Variants in IFT74 observed in about 807,000 individuals in gnomAD.
The protein encoded by IFT74 is intraflagellar transport 74, also known as intraflagellar transport protein 74 homolog.
A neutral mutation model predicts 96.7 loss-of-function variants in IFT74; 92 were observed. The ratio of observed to expected loss-of-function variants is 0.95; its 90% CI spans 0.80 to 1.13. IFT74 has a LOEUF of 1.13. Among genes scored for constraint, IFT74 ranks in the 50% most tolerant of loss-of-function variants. IFT74 has a pLI of 0.00. For synonymous variants in IFT74, 223 were observed against 213.2 expected (o/e 1.05, Z -0.40); for missense variants, 811 against 698.2 (o/e 1.16, Z -1.82).
chr9:26,971,795 C>A (rs932229776), intron 2 of IFT74, among the ~76,000 whole-genome samples: 1 of 152,064 alleles, frequency 6.6e-6, no homozygotes, highest in Non-Finnish European at 1.5e-5. Context: ...TATGACCATT[C>A]TCCGTCCAGT....
intron 8 of IFT74, among the ~76,000 whole-genome samples, chr9:26,990,857 T>G (rs1012287780): frequency 6.6e-6 from 1 of 152,222 alleles, no homozygotes; most frequent in Non-Finnish European, 1.5e-5. Flanking sequence ...CCTGAATGAT[T>G]CAAGAATAAA....
intron 1 of IFT74, chr9:26,947,197 G>A (rs1825763670): frequency 2.3e-6 from 2 of 885,738 alleles, no homozygotes; most frequent in Non-Finnish European, 3.2e-6. Flanking sequence ...ACGGAAGGGC[G>A]GCTGGGAAGG....
intron 8 of IFT74, among the ~76,000 whole-genome samples, chr9:27,006,178 T>G (rs553735891): frequency 6.6e-6 from 1 of 152,302 alleles, no homozygotes; most frequent in Non-Finnish European, 1.5e-5. Flanking sequence ...TTTGAAAATT[T>G]TATTAAAGTA....
chr9:27,056,384 G>C lies in IFT74; in HGVS notation c.1548G>C (p.Lys516Asn). Residue 516 changes from lysine (K) to asparagine (N), a missense_variant, in exon 18 of 20, where the codon AAG (lysine) becomes AAC (asparagine). Lys to Asn is a moderately conservative substitution (Grantham distance 94, BLOSUM62 0). Coordinates refer to ENST00000380062, the MANE Select transcript of IFT74 (RefSeq NM_025103.4). ...TATCAACCCACAGAAATGCCTTTAA[G>C]AAAATAATGGAGAAGCAAAACATAG... ...MILSTHRNAF[K>N]KIMEKQNIEY... 1.9e-6 allele frequency: 3 copies of C among 1,597,336 alleles called. No individual in the cohort carries two copies. Among genetic ancestry groups the C allele is most frequent in the Non-Finnish European group, 2.6e-6 (3 of 1,169,588 alleles).
intron 8 of IFT74, among the ~76,000 whole-genome samples, chr9:27,005,000 G>A (rs1254900206): frequency 6.6e-6 from 1 of 151,928 alleles, no homozygotes; most frequent in Non-Finnish European, 1.5e-5. Context: ...TAATTATTTT[G>A]GTTTTGTTAA....
chr9:27,037,898 T>C (rs1192098103), intron 13 of IFT74, among the ~76,000 whole-genome samples: 3 of 152,244 alleles, frequency 2.0e-5, no homozygotes, highest in Non-Finnish European at 4.4e-5. Context: ...TTGACATTAC[T>C]CACAGCCATC....
rs1163196211 is a variant in IFT74 at position 27,011,265 on chromosome 9, A to C, written c.727-641A>C. On this transcript the variant is annotated intron_variant, in intron 9 of 19. Coordinates refer to ENST00000380062, the MANE Select transcript of IFT74 (RefSeq NM_025103.4). The stretch of plus-strand genomic sequence containing the variant: ...AGACTCTGTCTCAAAAAGAAAAAAG[A>C]AAGAGTATGATAGAAATGCCAAAAT... Among the ~76,000 whole-genome samples the C allele has an allele frequency of 5.3e-5, 8 of 152,180 alleles. No homozygotes were observed. In the East Asian group the frequency reaches 1.5e-3, roughly 29 times the overall value.
intron 1 of IFT74, among the ~76,000 whole-genome samples, chr9:26,961,376 C>A (rs1190482161): frequency 2.6e-5 from 4 of 152,058 alleles, no homozygotes; most frequent in East Asian, 1.9e-4. Context: ...ACGCGTTTGC[C>A]ACTGCGCCTG....
intron 10 of IFT74, among the ~76,000 whole-genome samples, chr9:27,013,737 G>C (rs1240657913): frequency 2.6e-5 from 4 of 151,968 alleles, no homozygotes; most frequent in African/African-American, 7.3e-5. Context: ...TCAGTATACT[G>C]TCTGTATCTC....
chr9:26,953,081 A>G (rs1253045025), upstream of IFT74, among the ~76,000 whole-genome samples: 3 of 152,174 alleles, frequency 2.0e-5, no homozygotes, highest in Non-Finnish European at 4.4e-5. Context: ...ACGTTCATCT[A>G]TACAGTTAGG....
Position 27,048,235 on chromosome 9 carries a change from G to C in IFT74, c.1294G>C (p.Val432Leu). The part of the protein sequence containing the change: ...QDDLNFKSTE[V>L]QKSQSTAQNL... Reference sequence around the variant, plus strand: ...TGACCTCAATTTTAAATCTACTGAAGTGCAGAAATCACAAAGTACAGCTCA... The same window carrying C: ...TGACCTCAATTTTAAATCTACTGAACTGCAGAAATCACAAAGTACAGCTCA... The change falls in exon 16 of 20, where the codon GTG (valine) becomes CTG (leucine). Residue 432 changes from valine to leucine, a missense_variant. Transcript: ENST00000380062. 6.2e-7 allele frequency: 1 copy of C among 1,608,214 alleles called. No homozygotes were observed. Among genetic ancestry groups the C allele is most frequent in the Non-Finnish European group, 8.5e-7 (1 of 1,176,284 alleles).
intron 8 of IFT74, among the ~76,000 whole-genome samples, chr9:27,001,761 G>A (rs1260682536): frequency 6.6e-6 from 1 of 151,744 alleles, no homozygotes; most frequent in South Asian, 2.1e-4. Context: ...TTCTCATTCC[G>A]TGGGTTGTCT....
chr9:26,948,863 A>G (rs942571857), intron 1 of IFT74, among the ~76,000 whole-genome samples: 17 of 151,954 alleles, frequency 1.1e-4, no homozygotes, highest in Non-Finnish European at 1.8e-4. Flanking sequence ...CTCTTACTCT[A>G]GACATTTCGA....
At chr9:27,009,552 T>C (rs1828947908) in intron 9 of IFT74, among the ~76,000 whole-genome samples, 1 of 152,134 alleles carries the variant, frequency 6.6e-6, no homozygotes, top group South Asian at 2.1e-4. Context: ...AGTCTGTAAA[T>C]ACTTGCAGTT....
intron 6 of IFT74, among the ~76,000 whole-genome samples, chr9:26,987,767 C>CAT: frequency 6.6e-6 from 1 of 152,300 alleles, no homozygotes; most frequent in East Asian, 1.9e-4. Flanking sequence ...TGAGTTAACA[C>CAT]ATATGTAATA....
intron 6 of IFT74, 33 bp downstream of exon 6, chr9:26,984,592 A>T: frequency 6.6e-7 from 1 of 1,520,774 alleles, no homozygotes; most frequent in African/African-American, 1.4e-5. Flanking sequence ...ATTTACTGTT[A>T]ATATTTTCAT....
chr9:27,060,505 A>G, intron 18 of IFT74, 86 bp from the exon 19 acceptor site: 1 of 746,136 alleles, frequency 1.3e-6, no homozygotes, highest in Non-Finnish European at 2.2e-6. Context: ...AAAGTTGGAG[A>G]GATTTTTTTT....
At chr9:27,017,896 T>C (rs908481670) in intron 11 of IFT74, among the ~76,000 whole-genome samples, 2 of 152,216 alleles carry the variant, frequency 1.3e-5, no homozygotes, top group African/African-American at 4.8e-5. Context: ...TTAGGAGAAC[T>C]TCATATGTAT....
At chr9:27,033,733 C>T (rs1229855152) in intron 13 of IFT74, among the ~76,000 whole-genome samples, 2 of 151,298 alleles carry the variant, frequency 1.3e-5, no homozygotes, top group Non-Finnish European at 2.9e-5. Flanking sequence ...TGCACTAGTA[C>T]ATTCATGTTT....
Sources: gnomAD v4.1 joint callset for allele counts (sites outside exome capture counted in the v4.1 genomes callset) on GRCh38, gnomAD v4.1.1 for gene constraint, MANE v1.5 for transcripts, NCBI Gene and HGNC (gene_info 2026-07-23, HGNC 2026-07-21) for gene names.